Variants in KANSL1L observed in about 807,000 individuals in gnomAD.
KANSL1L encodes the protein KAT8 regulatory NSL complex subunit 1 like, also known as KAT8 regulatory NSL complex subunit 1-like protein.
Under a neutral mutation model 108.6 loss-of-function variants are expected in KANSL1L, and 25 were observed. The observed-to-expected ratio is 0.23, with a 90% CI of 0.17 to 0.32. KANSL1L has a LOEUF of 0.32. Ranked by LOEUF, KANSL1L falls within the 10% of genes least tolerant of loss-of-function variation. KANSL1L has a pLI of 1.00. For synonymous variants in KANSL1L, 405 were observed against 395.1 expected (o/e 1.03, Z -0.30); for missense variants, 1,137 against 1,125.7 (o/e 1.01, Z -0.14).
At chr2:210,080,164 C>G (rs1338184687) in intron 5 of KANSL1L, 1 of 152,048 alleles carries the variant, frequency 6.6e-6, no homozygotes, top group Non-Finnish European at 1.5e-5. Flanking sequence ...CACACACACA[C>G]ACACACACAC....
chr2:210,092,420 T>C (rs1402843448), intron 5 of KANSL1L, among the ~76,000 whole-genome samples: 1 of 152,224 alleles, frequency 6.6e-6, no homozygotes, highest in East Asian at 1.9e-4. Context: ...ACATTCTCTC[T>C]TCAACTGTGT....
rs1316218705 is a variant in KANSL1L, at chr2:210,171,218, G to C, written c.-99C>G. The C allele has an allele frequency of 1.3e-5, 2 of 157,504 alleles. No individual in the cohort carries two copies. The highest frequency in any genetic ancestry group is 1.4e-5 in the Non-Finnish European group (1 of 71,712). 9.8% of individuals were successfully genotyped at this position (157,504 alleles called of 1,614,324 possible). A position where few individuals can be genotyped will look rare whatever the true frequency, so the allele number is the denominator to read the frequency against. ...CGGCCGTGGTGGGGGCTGCTGAGGT[G>C]ATCTCTAGCTGCCCGCCCGCCTCCC... is the stretch of plus-strand genomic sequence containing the variant. On this transcript the variant is annotated 5_prime_UTR_variant, in exon 1 of 15. In the 5' UTR this introduces an upstream ATG that the reference lacks. Coordinates refer to ENST00000281772, the MANE Select transcript of KANSL1L (RefSeq NM_152519.4).
chr2:210,153,527 C>T lies in KANSL1L; in HGVS notation c.1056G>A (p.Leu352=), dbSNP rs2095316278. Residue 352 remains leucine, a synonymous_variant, in exon 2 of 15, where the codon TTG becomes TTA. Coordinates refer to ENST00000281772, the MANE Select transcript of KANSL1L (RefSeq NM_152519.4). ...DATDSSSDDD[L]DEYTLRKNVA... ...CATTTTTTCTAAGGGTATATTCATC[C>T]AAATCGTCATCAGAGCTGCTATCAG... 1.2e-6 allele frequency: 2 copies of T among 1,613,904 alleles called. No individual in the cohort carries two copies. The highest frequency in any genetic ancestry group is 1.7e-6 in the Non-Finnish European group (2 of 1,179,996).
chr2:210,041,436 T>C (rs2094162944), intron 7 of KANSL1L, among the ~76,000 whole-genome samples: 1 of 152,176 alleles, frequency 6.6e-6, no homozygotes. Flanking sequence ...ATTTTATTTT[T>C]TATTTGTTTT....
At chr2:210,143,107 T>C (rs2095241642) in intron 2 of KANSL1L, among the ~76,000 whole-genome samples, 1 of 152,178 alleles carries the variant, frequency 6.6e-6, no homozygotes, top group East Asian at 1.9e-4. Context: ...ATTTGCTTTA[T>C]ATATTTAGAT....
At chr2:210,127,041 A>G (rs1438088981) in intron 3 of KANSL1L, among the ~76,000 whole-genome samples, 2 of 152,100 alleles carry the variant, frequency 1.3e-5, no homozygotes, top group Admixed American at 1.3e-4. Flanking sequence ...TTTTTAAAAA[A>G]AAAGAAGAAA....
At chr2:210,023,806 C>G (rs1340746285) in intron 14 of KANSL1L, among the ~76,000 whole-genome samples, 1 of 152,162 alleles carries the variant, frequency 6.6e-6, no homozygotes, top group Non-Finnish European at 1.5e-5. Flanking sequence ...GATAGTACTT[C>G]CACTCTCTAA....
intron 5 of KANSL1L, among the ~76,000 whole-genome samples, chr2:210,077,082 C>T (rs915977600): frequency 6.6e-6 from 1 of 152,034 alleles, no homozygotes; most frequent in Non-Finnish European, 1.5e-5. Context: ...TTCAAGAATG[C>T]TTTACATAGT....
chr2:210,131,763 G>C (rs1278515127), intron 2 of KANSL1L, among the ~76,000 whole-genome samples: 2 of 149,918 alleles, frequency 1.3e-5, no homozygotes, highest in Non-Finnish European at 3.0e-5. Flanking sequence ...GCAGCGGTGC[G>C]ATCTCTCCTC....
chr2:210,079,648 A>ATATGTGTGTG lies in KANSL1L; in HGVS notation c.1551-3893_1551-3892insCACACACATA, dbSNP rs1553653239. Among the ~76,000 whole-genome samples, 13 of 15,200 alleles carry ATATGTGTGTG rather than the reference A, an allele frequency of 8.6e-4. No homozygotes were observed. In the East Asian group the frequency reaches 0.015, roughly 18 times the overall value. The allele number at this position is 15,200 out of a possible 152,430, so 10.0% of individuals were successfully genotyped here. ...TATATATATATATATATATATATAT[A>ATATGTGTGTG]TATATATATATATATATGTATGTGT... On this transcript the variant is annotated intron_variant, in intron 5 of 14. Coordinates refer to ENST00000281772, the MANE Select transcript of KANSL1L (RefSeq NM_152519.4).
chr2:210,039,197 G>C (rs2094139317), intron 8 of KANSL1L, among the ~76,000 whole-genome samples: 1 of 151,820 alleles, frequency 6.6e-6, no homozygotes, highest in African/African-American at 2.4e-5. Flanking sequence ...CTCTGATTCT[G>C]ATTAGGATTA....
At chr2:210,131,673 C>T (rs974149119) in intron 2 of KANSL1L, among the ~76,000 whole-genome samples, 6 of 151,400 alleles carry the variant, frequency 4.0e-5, no homozygotes, top group South Asian at 2.1e-4. Flanking sequence ...TAAACCAAAT[C>T]GCATCGGACG....
At position 210,039,832 on chromosome 2, in the gene KANSL1L, A is replaced by G. The variant is rs191869578; in HGVS notation, c.2029+588T>C. 7.3e-4 allele frequency among the ~76,000 whole-genome samples: 111 copies of G among 151,934 alleles called. No homozygotes were observed. The Middle Eastern group carries it at 0.014, about 19-fold the overall frequency. ...GGAAAGACTCTCTCCATGAGAACCA[A>G]TGGTTCTCCACTTTCCCACTAATAT... On this transcript the variant is annotated intron_variant, in intron 8 of 14. Coordinates refer to ENST00000281772, the MANE Select transcript of KANSL1L (RefSeq NM_152519.4).
At chr2:210,095,560 G>C (rs543535633) in intron 5 of KANSL1L, among the ~76,000 whole-genome samples, 1 of 152,132 alleles carries the variant, frequency 6.6e-6, no homozygotes, top group East Asian at 1.9e-4. Context: ...TATGTTTCTG[G>C]TTAAATAGAT....
At chr2:210,050,409 C>T (rs2094277586) in intron 6 of KANSL1L, among the ~76,000 whole-genome samples, 1 of 152,134 alleles carries the variant, frequency 6.6e-6, no homozygotes, top group Non-Finnish European at 1.5e-5. Context: ...AAATATATAA[C>T]ATCCACAAGA....
At position 210,171,252 on chromosome 2, in the gene KANSL1L, G is replaced by C; in HGVS notation, c.-133C>G. 1 of 158,224 alleles carries C rather than the reference G, an allele frequency of 6.3e-6. No individual in the cohort carries two copies. Among genetic ancestry groups the C allele is most frequent in the South Asian group, 1.8e-4 (1 of 5,628 alleles). 9.8% of individuals were successfully genotyped at this position (158,224 alleles called of 1,614,324 possible). The stretch of plus-strand genomic sequence containing the variant: ...CTGCCCGCCCGCCTCCCCCACCCGG[G>C]GCGCCGCTGACTCGTCTCCAGAGCG... On this transcript the variant is annotated 5_prime_UTR_variant, in exon 1 of 15. Transcript: ENST00000281772.
intron 3 of KANSL1L, among the ~76,000 whole-genome samples, chr2:210,123,160 T>C (rs1405954221): frequency 1.3e-5 from 2 of 152,110 alleles, no homozygotes; most frequent in Non-Finnish European, 2.9e-5. Flanking sequence ...AGAACTATCC[T>C]ATGATCCAAT....
At chr2:210,087,973 G>A (rs1559546256) in intron 5 of KANSL1L, among the ~76,000 whole-genome samples, 1 of 151,998 alleles carries the variant, frequency 6.6e-6, no homozygotes, top group Non-Finnish European at 1.5e-5. Context: ...TTTAGGTGGT[G>A]TCATTTTTTT....
chr2:210,073,525 T>TA (rs879519828), intron 6 of KANSL1L, among the ~76,000 whole-genome samples: 49 of 142,086 alleles, frequency 3.4e-4, no homozygotes, highest in Non-Finnish European at 4.8e-4. Context: ...GCGAGATGTC[T>TA]AAAAAAAAAA....
Sources: gnomAD v4.1 joint callset for allele counts (sites outside exome capture counted in the v4.1 genomes callset) on GRCh38, gnomAD v4.1.1 for gene constraint, MANE v1.5 for transcripts, NCBI Gene and HGNC (gene_info 2026-07-23, HGNC 2026-07-21) for gene names.